Variants in CNTNAP2 observed in about 807,000 individuals in gnomAD.
The protein encoded by CNTNAP2 is contactin associated protein 2.
CNTNAP2 carries 98 observed loss-of-function variants against 155.2 expected under a neutral mutation model. That is an observed-to-expected ratio of 0.63 (90% confidence interval 0.54 to 0.75). The LOEUF (loss-of-function observed/expected upper bound fraction) is 0.75. Ranked by LOEUF, CNTNAP2 falls within the 30% of genes least tolerant of loss-of-function variation. The pLI is 0.00. For missense variants in CNTNAP2, 1,727 were observed against 1,688.1 expected, an observed-to-expected ratio of 1.02 and a Z score of -0.40; for synonymous variants, 651 against 631.2, an observed-to-expected ratio of 1.03 and a Z score of -0.47.
intron 3 of CNTNAP2, among the ~76,000 whole-genome samples, chr7:147,010,010 T>C (rs1203348477): frequency 3.3e-5 from 2 of 60,216 alleles, no homozygotes; most frequent in Admixed American, 1.2e-4. Flanking sequence ...CTTGGTTCTT[T>C]TTTTTTTTTT....
chr7:147,627,453 T>G (rs1186474950), intron 12 of CNTNAP2, among the ~76,000 whole-genome samples: 3 of 151,870 alleles, frequency 2.0e-5, no homozygotes, highest in African/African-American at 7.3e-5. Context: ...ATCCCAGCAC[T>G]TTGGGAGGCT....
At chr7:148,201,730 C>G (rs970454948) in intron 18 of CNTNAP2, among the ~76,000 whole-genome samples, 3 of 151,970 alleles carry the variant, frequency 2.0e-5, no homozygotes, top group Non-Finnish European at 4.4e-5. Context: ...TTTAAATCAC[C>G]ATCCATGGTC....
intron 13 of CNTNAP2, among the ~76,000 whole-genome samples, chr7:147,784,389 T>C (rs1392971526): frequency 9.6e-6 from 1 of 103,644 alleles, no homozygotes; most frequent in Non-Finnish European, 1.8e-5. Context: ...AACATATATA[T>C]ATATATATAT....
intron 1 of CNTNAP2, among the ~76,000 whole-genome samples, chr7:146,424,790 G>A (rs1363051481): frequency 3.5e-4 from 53 of 152,082 alleles, no homozygotes; most frequent in Admixed American, 3.4e-3. Flanking sequence ...AAAAACAGCA[G>A]AAAAGAGATT....
At chr7:146,667,414 G>A (rs1366115151) in intron 1 of CNTNAP2, among the ~76,000 whole-genome samples, 1 of 152,024 alleles carries the variant, frequency 6.6e-6, no homozygotes, top group Admixed American at 6.5e-5. Context: ...CTGGTAATAT[G>A]ATGCTTCCAT....
chr7:146,736,125 G>T (rs761666436), intron 1 of CNTNAP2, among the ~76,000 whole-genome samples: 5 of 152,084 alleles, frequency 3.3e-5, no homozygotes, highest in Admixed American at 6.5e-5. Flanking sequence ...CATGTATATT[G>T]TATTAGTAAT....
At chr7:146,715,541 G>C (rs1385413448) in intron 1 of CNTNAP2, among the ~76,000 whole-genome samples, 1 of 151,900 alleles carries the variant, frequency 6.6e-6, no homozygotes, top group African/African-American at 2.4e-5. Flanking sequence ...GTTTTGATTT[G>C]TATACAGTTT....
intron 15 of CNTNAP2, among the ~76,000 whole-genome samples, chr7:147,984,714 C>T (rs902636706): frequency 1.3e-4 from 18 of 140,632 alleles, no homozygotes; most frequent in Non-Finnish European, 6.1e-5. Context: ...GGGAGAATCA[C>T]AGAATGATTT....
At chr7:147,942,813 G>A (rs760993105) in intron 14 of CNTNAP2, among the ~76,000 whole-genome samples, 17 of 152,162 alleles carry the variant, frequency 1.1e-4, no homozygotes, top group African/African-American at 2.6e-4. Flanking sequence ...CGAGGTGGGC[G>A]GATCACGAGG....
intron 13 of CNTNAP2, among the ~76,000 whole-genome samples, chr7:147,889,619 A>C (rs1479790453): frequency 1.3e-5 from 2 of 152,232 alleles, no homozygotes; most frequent in Non-Finnish European, 2.9e-5. Flanking sequence ...GAAGCTTTTA[A>C]TATTGATGTC....
chr7:147,481,145 C>T (rs1798416013), intron 10 of CNTNAP2, among the ~76,000 whole-genome samples: 1 of 152,136 alleles, frequency 6.6e-6, no homozygotes, highest in Non-Finnish European at 1.5e-5. Context: ...AACACAAAGA[C>T]ATTTTATTTT....
intron 1 of CNTNAP2, among the ~76,000 whole-genome samples, chr7:146,406,118 A>C (rs1795788311): frequency 6.6e-6 from 1 of 152,226 alleles, no homozygotes; most frequent in South Asian, 2.1e-4. Context: ...GTGGATGTTT[A>C]GTTATATGCT....
intron 1 of CNTNAP2, among the ~76,000 whole-genome samples, chr7:146,726,637 C>T (rs1406730485): frequency 6.6e-6 from 1 of 152,056 alleles, no homozygotes; most frequent in Admixed American, 6.5e-5. Context: ...TTTTACTCAG[C>T]CATGCAATTA....
intron 15 of CNTNAP2, among the ~76,000 whole-genome samples, chr7:148,004,718 C>T (rs1801946101): frequency 6.6e-6 from 1 of 152,166 alleles, no homozygotes; most frequent in African/African-American, 2.4e-5. Context: ...AATGCTTCAT[C>T]TTTCATTACA....
chr7:146,585,751 GGAAA>G (rs764550660), intron 1 of CNTNAP2, among the ~76,000 whole-genome samples: 3 of 146,006 alleles, frequency 2.1e-5, no homozygotes, highest in Admixed American at 6.9e-5. Context: ...AAAGAAAGAA[GGAAA>G]GAAAGAAAGG....
chr7:147,506,548 C>A (rs1026731719), intron 11 of CNTNAP2, among the ~76,000 whole-genome samples: 8 of 152,178 alleles, frequency 5.3e-5, no homozygotes, highest in Non-Finnish European at 7.4e-5. Context: ...AGCCACCACG[C>A]CTGGCCCAAG....
At chr7:146,570,637 GTGAAATCCTATA>G (rs1798427362) in intron 1 of CNTNAP2, among the ~76,000 whole-genome samples, 1 of 152,032 alleles carries the variant, frequency 6.6e-6, no homozygotes, top group Non-Finnish European at 1.5e-5. Flanking sequence ...GAAAGTGAAG[GTGAAATCCTATA>G]TGAAATTGTC....
rs1009881322 is a variant in CNTNAP2, at chr7:146,395,969, G to T, written c.97+278996G>T. Reference sequence around the variant, plus strand: ...AAGTTGCATCATTCTGTAAATTGGAGATTATCACTTACTGTACTGTCACAA... The same window carrying T: ...AAGTTGCATCATTCTGTAAATTGGATATTATCACTTACTGTACTGTCACAA... On this transcript the variant is annotated intron_variant, in intron 1 of 23. Coordinates refer to ENST00000361727, the MANE Select transcript of CNTNAP2 (RefSeq NM_014141.6). 2.6e-5 allele frequency among the ~76,000 whole-genome samples: 4 copies of T among 151,680 alleles called. 1 individual carries two copies. The highest frequency in any genetic ancestry group is 2.0e-4 in the Admixed American group (3 of 15,218).
intron 15 of CNTNAP2, among the ~76,000 whole-genome samples, chr7:148,019,415 C>T (rs1302161757): frequency 6.6e-6 from 1 of 152,042 alleles, no homozygotes; most frequent in Non-Finnish European, 1.5e-5. Flanking sequence ...TCTTCAGTTC[C>T]TTGTTGTAAT....
Sources: gnomAD v4.1 joint callset for allele counts (sites outside exome capture counted in the v4.1 genomes callset) on GRCh38, gnomAD v4.1.1 for gene constraint, MANE v1.5 for transcripts, NCBI Gene and HGNC (gene_info 2026-07-23, HGNC 2026-07-21) for gene names.